The following LVRN variants were observed in gnomAD, a reference collection of about 807,000 sequenced individuals.
LVRN encodes the protein aminopeptidase Q.
In LVRN, 99 loss-of-function variants were observed where a neutral mutation model predicts 111.4. The ratio of observed to expected loss-of-function variants is 0.89; its 90% CI spans 0.76 to 1.05. The LOEUF is 1.05. LVRN is among the 50% of genes least tolerant of loss of function. The probability of loss-of-function intolerance (pLI) is 0.00; values close to 1 mark genes in which losing one functional copy is unlikely to be tolerated. For missense variants in LVRN, 1,414 were observed against 1,206.8 expected, an observed-to-expected ratio of 1.17 and a Z score of -2.54; for synonymous variants, 488 against 449.5, an observed-to-expected ratio of 1.09 and a Z score of -1.08.
intron 19 of LVRN, among the ~76,000 whole-genome samples, chr5:116,023,807 C>T (rs1036839662): frequency 1.3e-5 from 2 of 152,194 alleles, no homozygotes; most frequent in Admixed American, 6.5e-5. Flanking sequence ...GCAACTGGAA[C>T]TCTTTTATCC....
intron 6 of LVRN, among the ~76,000 whole-genome samples, chr5:115,994,315 C>A (rs1332341553): frequency 6.6e-6 from 1 of 152,174 alleles, no homozygotes; most frequent in Non-Finnish European, 1.5e-5. Flanking sequence ...CTCTGTCACC[C>A]AAACTGGAGT....
intron 1 of LVRN, among the ~76,000 whole-genome samples, chr5:115,977,182 T>A (rs1753467393): frequency 6.6e-6 from 1 of 152,146 alleles, no homozygotes; most frequent in Admixed American, 6.6e-5. Context: ...CTATACAGAT[T>A]TCTGGAAGTC....
At position 116,001,328 on chromosome 5, in the gene LVRN, C is replaced by T. The variant is rs1292458905; in HGVS notation, c.1820+89C>T. 9.0e-6 allele frequency: 13 copies of T among 1,438,414 alleles called. No homozygotes were observed. The East Asian group carries it at 2.5e-4, about 28-fold the overall frequency. The allele number at this position is 1,438,414 out of a possible 1,614,324, so 89.1% of individuals were successfully genotyped here. On this transcript the variant is annotated intron_variant, in intron 10 of 19. Coordinates refer to ENST00000357872, the MANE Select transcript of LVRN (RefSeq NM_173800.5). ...CCAGCCTGTGGGTGAAGAAGCGTTA[C>T]CCCCGCTGGGCATACACACTTCTGC...
At chr5:115,993,200 GT>G (rs35417462) in intron 5 of LVRN, among the ~76,000 whole-genome samples, 59,704 of 148,686 alleles carry the variant, frequency 0.4, 11,997 homozygotes, top group South Asian at 0.47. Context: ...ATTTGACACT[GT>G]TTTTTTTTTT....
intron 18 of LVRN, among the ~76,000 whole-genome samples, chr5:116,017,090 A>G (rs1447979372): frequency 1.3e-5 from 2 of 152,174 alleles, no homozygotes; most frequent in Non-Finnish European, 2.9e-5. Context: ...AGGGGAAGAA[A>G]GGGATGTGCA....
At chr5:116,025,438 G>C (rs1748843139) in intron 19 of LVRN, among the ~76,000 whole-genome samples, 2 of 152,090 alleles carry the variant, frequency 1.3e-5, no homozygotes, top group Admixed American at 1.3e-4. Flanking sequence ...TATTCACTTG[G>C]AGTCTGACTT....
chr5:116,010,755 A>T lies in LVRN; in HGVS notation c.2108A>T (p.Glu703Val), dbSNP rs1426209752. 27 of 1,596,076 alleles carry T rather than the reference A, an allele frequency of 1.7e-5. No individual in the cohort carries two copies. Among genetic ancestry groups the T allele is most frequent in the Non-Finnish European group, 2.3e-5 (27 of 1,173,240 alleles). Residue 703 changes from glutamate to valine, a missense_variant, in exon 14 of 20, where the codon GAG (glutamate) becomes GTG (valine). Physicochemically the swap from Glu to Val is moderately radical, Grantham distance 121. Transcript: ENST00000357872. ...AAATCAAACAGAAACAATTATATTG[A>T]GATTGAAACAGCACTTGAGTTAACC... ...AFSLSKNNYIEIETALELTKY... is the reference protein window; with the variant it reads ...AFSLSKNNYIVIETALELTKY...
In LVRN at chr5:115,965,687, T is replaced by C. The variant is rs12153672; in HGVS notation, c.695+2375T>C. Among the ~76,000 whole-genome samples the C allele has an allele frequency of 7.4e-3, 1,121 of 152,010 alleles. 16 individuals carry two copies. Among genetic ancestry groups the C allele is most frequent in the African/African-American group, 0.02 (815 of 41,428 alleles). ...GGTTTCCCCCATGCTGTTCTCCTGA[T>C]AGTGAGTGAATCTCATGAGATCTGA... On this transcript the variant is annotated intron_variant, in intron 1 of 19. Coordinates refer to ENST00000357872, the MANE Select transcript of LVRN (RefSeq NM_173800.5).
chr5:115,985,099 T>C (rs1423055320), intron 3 of LVRN, among the ~76,000 whole-genome samples: 1 of 152,092 alleles, frequency 6.6e-6, no homozygotes, highest in Non-Finnish European at 1.5e-5. Context: ...TGGGTGATAC[T>C]CAAAACAGTT....
chr5:115,968,592 G>T (rs1013339164), intron 1 of LVRN, among the ~76,000 whole-genome samples: 1 of 151,804 alleles, frequency 6.6e-6, no homozygotes, highest in Admixed American at 6.6e-5. Flanking sequence ...TTGCCCATCT[G>T]GTCCCCCACC....
chr5:116,008,361 A>C (rs1748420543), intron 13 of LVRN, among the ~76,000 whole-genome samples: 1 of 152,028 alleles, frequency 6.6e-6, no homozygotes, highest in Non-Finnish European at 1.5e-5. Flanking sequence ...AATAATAATA[A>C]ATAAATAAAA....
Position 116,026,033 on chromosome 5 carries a change from C to T in LVRN, c.2888C>T (p.Ala963Val). Residue 963 changes from alanine to valine, a missense_variant, in exon 20 of 20, where the codon GCC becomes GTC. Transcript: ENST00000357872. ...GAACACCAGAGGATCAGAGTTCATG[C>T]CAACTTACAGACAATAAAGAATGAA... ...LEEHQRIRVHANLQTIKNENL... is the reference protein window; with the variant it reads ...LEEHQRIRVHVNLQTIKNENL... 2 of 1,613,846 alleles carry T rather than the reference C, an allele frequency of 1.2e-6. No homozygotes were observed. The highest frequency in any genetic ancestry group is 2.2e-5 in the South Asian group (2 of 91,064).
Position 115,983,394 on chromosome 5 carries a change from C to A in LVRN, c.803C>A (p.Pro268Gln). Residue 268 changes from proline (P) to glutamine (Q), a missense_variant, in exon 2 of 20, where the codon CCA (proline) becomes CAA (glutamine). Pro to Gln is a moderately conservative substitution (Grantham distance 76). Coordinates refer to ENST00000357872, the MANE Select transcript of LVRN (RefSeq NM_173800.5). ...ATFNITMIHH[P>Q]SYVALSNMPK... is the part of the protein sequence containing the mutation. ...TTTAATATTACAATGATTCATCATC[C>A]AAGTTATGTGGCCCTTTCCAACATG... 6.2e-7 allele frequency: 1 copy of A among 1,609,462 alleles called. No individual in the cohort carries two copies. Among genetic ancestry groups the A allele is most frequent in the Non-Finnish European group, 8.5e-7 (1 of 1,178,652 alleles).
chr5:115,977,689 G>A (rs569606283), intron 1 of LVRN, among the ~76,000 whole-genome samples: 2 of 152,298 alleles, frequency 1.3e-5, no homozygotes, highest in Admixed American at 1.3e-4. Flanking sequence ...GGGACCTGGA[G>A]CCCTGATTCT....
intron 1 of LVRN, among the ~76,000 whole-genome samples, chr5:115,971,825 G>T (rs1753333649): frequency 6.6e-6 from 1 of 151,852 alleles, no homozygotes; most frequent in Non-Finnish European, 1.5e-5. Flanking sequence ...TTTAGAATTA[G>T]CTTGTTAATA....
intron 6 of LVRN, among the ~76,000 whole-genome samples, chr5:115,997,518 G>C (rs34555083): frequency 0.22 from 33,859 of 151,656 alleles, 4,402 homozygotes; most frequent in Middle Eastern, 0.29. Flanking sequence ...TTTTTAATTA[G>C]CAGGGCATGG....
In LVRN at chr5:115,994,658, G is replaced by A. The variant is rs572660024; in HGVS notation, c.1374+804G>A. 7.9e-5 allele frequency among the ~76,000 whole-genome samples: 12 copies of A among 152,116 alleles called. No individual in the cohort carries two copies. The South Asian group carries it at 1.9e-3, about 24-fold the overall frequency. ...TACTTCATATTTAATTAATATTATTGCTGATATTGTTTTGCTAATTTGAGT... is the reference window on the plus strand; with the variant it reads ...TACTTCATATTTAATTAATATTATTACTGATATTGTTTTGCTAATTTGAGT... On this transcript the variant is annotated intron_variant, in intron 6 of 19. Coordinates refer to ENST00000357872, the MANE Select transcript of LVRN (RefSeq NM_173800.5).
intron 17 of LVRN, 88 bp from the exon 18 acceptor site, chr5:116,015,540 A>G: frequency 1.3e-6 from 2 of 1,511,018 alleles, no homozygotes; most frequent in South Asian, 1.4e-5. Context: ...TCACTACCTT[A>G]GAACCATGGG....
At chr5:115,990,325 G>T (rs1408543491) in intron 4 of LVRN, among the ~76,000 whole-genome samples, 1 of 152,058 alleles carries the variant, frequency 6.6e-6, no homozygotes, top group African/African-American at 2.4e-5. Flanking sequence ...GTATTTTAAA[G>T]ATATATCATT....
Sources: gnomAD v4.1 joint callset for allele counts (sites outside exome capture counted in the v4.1 genomes callset) on GRCh38, gnomAD v4.1.1 for gene constraint, MANE v1.5 for transcripts, NCBI Gene and HGNC (gene_info 2026-07-23, HGNC 2026-07-21) for gene names.